The following GNAO1 variants were observed in gnomAD, a reference collection of about 807,000 sequenced individuals.
The protein encoded by GNAO1 is G protein subunit alpha o1, also known as guanine nucleotide-binding protein G(o) subunit alpha.
For missense variants in GNAO1, 166 were observed against 478.7 expected, an observed-to-expected ratio of 0.35 and a Z score of 6.10; for synonymous variants, 164 against 180.7, an observed-to-expected ratio of 0.91 and a Z score of 0.74.
At chr16:56,253,994 T>G (rs1459816794) in intron 2 of GNAO1, among the ~76,000 whole-genome samples, 1 of 152,174 alleles carries the variant, frequency 6.6e-6, no homozygotes, top group Non-Finnish European at 1.5e-5. Context: ...ATGCCTTTTC[T>G]TCAAATCTGG....
intron 3 of GNAO1, among the ~76,000 whole-genome samples, chr16:56,292,909 G>C (rs1347900784): frequency 6.6e-6 from 1 of 152,206 alleles, no homozygotes; most frequent in Admixed American, 6.5e-5. Context: ...AAATCTCAGG[G>C]CCTCAACATA....
At chr16:56,208,446 T>TGC (rs773731191) in intron 2 of GNAO1, among the ~76,000 whole-genome samples, 5 of 137,560 alleles carry the variant, frequency 3.6e-5, no homozygotes, top group African/African-American at 8.2e-5. Flanking sequence ...TGTGTGTGTG[T>TGC]GTGCGCGCGC....
chr16:56,339,330 G>A (rs1295847051), intron 6 of GNAO1, among the ~76,000 whole-genome samples: 1 of 152,118 alleles, frequency 6.6e-6, no homozygotes, highest in Non-Finnish European at 1.5e-5. Context: ...ATGGTAGAAT[G>A]GACCACCGGG....
At chr16:56,200,217 C>G (rs1338598160) in intron 2 of GNAO1, among the ~76,000 whole-genome samples, 1 of 152,164 alleles carries the variant, frequency 6.6e-6, no homozygotes, top group Non-Finnish European at 1.5e-5. Context: ...CCTTGCTAGC[C>G]TGGGTGTCCC....
chr16:56,200,142 A>G (rs1258399385), intron 2 of GNAO1, among the ~76,000 whole-genome samples: 1 of 152,204 alleles, frequency 6.6e-6, no homozygotes, highest in Non-Finnish European at 1.5e-5. Flanking sequence ...ACCTGACCCC[A>G]GGGTCTCAGA....
intron 2 of GNAO1, among the ~76,000 whole-genome samples, chr16:56,249,631 T>G (rs1283344358): frequency 6.6e-6 from 1 of 152,160 alleles, no homozygotes; most frequent in African/African-American, 2.4e-5. Flanking sequence ...CCGGAAATTA[T>G]GAACACATAT....
rs774930699 is a variant in GNAO1, at chr16:56,351,364, C to T, written c.724-20C>T. 13 of 1,600,390 alleles carry T rather than the reference C, an allele frequency of 8.1e-6. No homozygotes were observed. In the South Asian group the frequency reaches 1.3e-4, roughly 16 times the overall value. On this transcript the variant is annotated intron_variant, in intron 6 of 8. Transcript: ENST00000262493. The surrounding 1 kb of genome is among the most constrained non-coding windows in gnomAD (Gnocchi z 6.1). ...TCCCTCCCGCTGTCTGTCCTCTCTC[C>T]TCCCTTCCTGCGGCCGCAGAACCGC...
In GNAO1 at chr16:56,349,907, C is replaced by G. The variant is rs138127664; in HGVS notation, c.724-1477C>G. On this transcript the variant is annotated intron_variant, in intron 6 of 8. Transcript: ENST00000262493. ...GAGCCCGCCATGCTGCTGTTAGTAT[C>G]GATTCCTCGAAAGCCCCACAGCCTG... Among the ~76,000 whole-genome samples, 908 of 152,304 alleles carry G rather than the reference C, an allele frequency of 6.0e-3. 10 individuals are homozygous for G. Among genetic ancestry groups the G allele is most frequent in the African/African-American group, 0.021 (857 of 41,556 alleles).
intron 2 of GNAO1, among the ~76,000 whole-genome samples, chr16:56,254,994 A>G (rs2036833630): frequency 6.6e-6 from 1 of 152,200 alleles, no homozygotes; most frequent in African/African-American, 2.4e-5. Context: ...GTGGGATGAG[A>G]CGTTAAAATT....
chr16:56,277,340 G>A (rs1032496629), intron 3 of GNAO1, among the ~76,000 whole-genome samples: 1 of 152,192 alleles, frequency 6.6e-6, no homozygotes, highest in Non-Finnish European at 1.5e-5. Context: ...GCCAGGGCCT[G>A]TGGAAAGAGG....
intron 6 of GNAO1, chr16:56,346,006 G>A: frequency 2.0e-6 from 2 of 985,158 alleles, no homozygotes; most frequent in Non-Finnish European, 2.4e-6. Flanking sequence ...TCCAATCCAG[G>A]CCTTCCCTGT....
chr16:56,221,651 C>CAAAAAAAAAAAAAAAAAAAAAA (rs11306838), intron 2 of GNAO1, among the ~76,000 whole-genome samples: 1 of 83,860 alleles, frequency 1.2e-5, no homozygotes, highest in African/African-American at 4.3e-5. Flanking sequence ...GACTGCATCT[C>CAAAAAAAAAAAAAAAAAAAAAA]AAAAAAAAAA....
intron 2 of GNAO1, among the ~76,000 whole-genome samples, chr16:56,274,105 A>G (rs2037040990): frequency 6.6e-6 from 1 of 152,150 alleles, no homozygotes; most frequent in Non-Finnish European, 1.5e-5. Context: ...AGCTCAGTGA[A>G]ATGGCTGTGT....
chr16:56,320,646 G>T (rs1369162957), intron 3 of GNAO1, among the ~76,000 whole-genome samples: 2 of 152,172 alleles, frequency 1.3e-5, no homozygotes, highest in East Asian at 3.8e-4. Context: ...TCAGATGTTG[G>T]ATTCCATGGT....
intron 2 of GNAO1, 54 bp downstream of exon 2, chr16:56,192,670 C>A: frequency 2.7e-6 from 3 of 1,118,552 alleles, no homozygotes; most frequent in South Asian, 1.2e-5. Context: ...ATTTTTAAAT[C>A]GTTTTTATTA....
At chr16:56,293,288 G>A (rs1211505558) in intron 3 of GNAO1, among the ~76,000 whole-genome samples, 1 of 152,206 alleles carries the variant, frequency 6.6e-6, no homozygotes, top group Non-Finnish European at 1.5e-5. Context: ...GGGGTGACAG[G>A]TCCATTTTCT....
intron 2 of GNAO1, among the ~76,000 whole-genome samples, chr16:56,224,166 T>C (rs1199216828): frequency 7.2e-5 from 11 of 152,200 alleles, no homozygotes; most frequent in African/African-American, 2.7e-4. Context: ...TGGAGGTCTC[T>C]AGATCCTGTG....
chr16:56,341,239 GCCTGA>G (rs2037800281), intron 6 of GNAO1, among the ~76,000 whole-genome samples: 1 of 152,226 alleles, frequency 6.6e-6, no homozygotes. Flanking sequence ...GCCTCTGGGA[GCCTGA>G]GCTCCACTGT....
rs1199182261 is a variant in GNAO1, at chr16:56,345,189, C to G, written c.724-6195C>G. On this transcript the variant is annotated intron_variant, in intron 6 of 8. Coordinates refer to ENST00000262493, the MANE Select transcript of GNAO1 (RefSeq NM_020988.3). ...GCAGGTCTGGCTGGCCTTGGGCAAC[C>G]AACACACCTCTCCCACTCCAAGATG... is the stretch of plus-strand genomic sequence containing the variant. The G allele has an allele frequency of 1.1e-5, 11 of 985,652 alleles. No individual in the cohort carries two copies. In the Admixed American group the frequency reaches 1.8e-4, roughly 17 times the overall value. 61.1% of individuals were successfully genotyped at this position (985,652 alleles called of 1,614,324 possible).
Sources: allele counts gnomAD v4.1 joint callset (sites outside exome capture counted in the v4.1 genomes callset), GRCh38; gene constraint gnomAD v4.1.1; non-coding constraint Gnocchi (gnomAD v3.1); transcripts MANE v1.5; gene names NCBI Gene and HGNC (gene_info 2026-07-23, HGNC 2026-07-21).